Variants in ZFYVE9 observed in about 807,000 individuals in gnomAD.
ZFYVE9 encodes zinc finger FYVE domain-containing protein 9.
ZFYVE9 carries 43 observed loss-of-function variants against 126.7 expected under a neutral mutation model. The observed-to-expected ratio is 0.34, with a 90% CI of 0.27 to 0.44. The LOEUF (loss-of-function observed/expected upper bound fraction) is 0.44. Ranked by LOEUF, ZFYVE9 falls within the 20% of genes least tolerant of loss-of-function variation. ZFYVE9 has a pLI of 1.00. For missense variants in ZFYVE9, 1,476 were observed against 1,697.0 expected (o/e 0.87, Z 2.29); for synonymous variants, 521 against 597.4 (o/e 0.87, Z 1.87).
At chr1:52,205,191 C>T (rs1644966133) in intron 1 of ZFYVE9, among the ~76,000 whole-genome samples, 1 of 151,130 alleles carries the variant, frequency 6.6e-6, no homozygotes. Flanking sequence ...CTTCCCACCT[C>T]AGTTCCCCAA....
chr1:52,283,512 T>C (rs1645824952), intron 10 of ZFYVE9, among the ~76,000 whole-genome samples: 1 of 152,228 alleles, frequency 6.6e-6, no homozygotes, highest in African/African-American at 2.4e-5. Context: ...TACACTAGAA[T>C]ACTGCTCAAC....
chr1:52,320,365 C>T (rs531305697), intron 13 of ZFYVE9, among the ~76,000 whole-genome samples: 5 of 152,180 alleles, frequency 3.3e-5, no homozygotes, highest in Non-Finnish European at 4.4e-5. Flanking sequence ...CCACCGTGCC[C>T]GGCTGTTAAG....
At chr1:52,169,825 T>C (rs1265717638) in intron 1 of ZFYVE9, among the ~76,000 whole-genome samples, 1 of 152,224 alleles carries the variant, frequency 6.6e-6, no homozygotes, top group Non-Finnish European at 1.5e-5. Flanking sequence ...TATTATGAAG[T>C]ATTTGTACCC....
intron 1 of ZFYVE9, among the ~76,000 whole-genome samples, chr1:52,186,783 A>G (rs1048277252): frequency 2.6e-5 from 4 of 152,204 alleles, no homozygotes; most frequent in African/African-American, 4.8e-5. Context: ...GATCTCTACA[A>G]TGAGAATTAC....
chr1:52,246,437 A>G (rs1645384356), intron 4 of ZFYVE9, among the ~76,000 whole-genome samples: 1 of 152,150 alleles, frequency 6.6e-6, no homozygotes, highest in South Asian at 2.1e-4. Context: ...CCTTCATAAA[A>G]TCTGAATTAG....
At chr1:52,197,723 A>G (rs1305139449) in intron 1 of ZFYVE9, among the ~76,000 whole-genome samples, 1 of 152,244 alleles carries the variant, frequency 6.6e-6, no homozygotes, top group African/African-American at 2.4e-5. Context: ...AGTTAGGACC[A>G]AAAAGTGTCC....
chr1:52,192,389 C>A (rs376691881), intron 1 of ZFYVE9, among the ~76,000 whole-genome samples: 1 of 152,130 alleles, frequency 6.6e-6, no homozygotes, highest in Non-Finnish European at 1.5e-5. Context: ...TGTATAAGAC[C>A]GTGTACCAGG....
At chr1:52,270,937 C>T (rs887854224) in intron 7 of ZFYVE9, among the ~76,000 whole-genome samples, 1 of 152,094 alleles carries the variant, frequency 6.6e-6, no homozygotes, top group Admixed American at 6.5e-5. Context: ...CATCTGTAAT[C>T]CCAGCACTTT....
At chr1:52,342,432 AT>A (rs1006621798) in intron 17 of ZFYVE9, among the ~76,000 whole-genome samples, 46 of 144,600 alleles carry the variant, frequency 3.2e-4, no homozygotes, top group Admixed American at 2.8e-4. Context: ...CGCCCGACTA[AT>A]TTTTTTTTTT....
At chr1:52,247,733 G>T (rs957759044) in intron 4 of ZFYVE9, among the ~76,000 whole-genome samples, 2 of 152,100 alleles carry the variant, frequency 1.3e-5, no homozygotes, top group African/African-American at 4.8e-5. Flanking sequence ...CTGACCTCAG[G>T]TGATCTGCCC....
intron 7 of ZFYVE9, among the ~76,000 whole-genome samples, chr1:52,271,879 G>A (rs559272489): frequency 4.6e-5 from 7 of 152,104 alleles, no homozygotes; most frequent in African/African-American, 1.7e-4. Flanking sequence ...TGCTCTTGTT[G>A]TCCAGGCTGG....
chr1:52,255,854 C>CA (rs1645502303), intron 4 of ZFYVE9, among the ~76,000 whole-genome samples: 2 of 151,596 alleles, frequency 1.3e-5, no homozygotes, highest in South Asian at 2.1e-4. Context: ...GACTCTGACT[C>CA]AAAAAAAATT....
intron 4 of ZFYVE9, among the ~76,000 whole-genome samples, chr1:52,259,325 T>C (rs1645554734): frequency 6.6e-6 from 1 of 152,080 alleles, no homozygotes; most frequent in Non-Finnish European, 1.5e-5. Context: ...CATTCTAAGG[T>C]GTTAGGAGTT....
chr1:52,146,920 C>G (rs914363489), intron 1 of ZFYVE9, among the ~76,000 whole-genome samples: 2 of 152,084 alleles, frequency 1.3e-5, no homozygotes. Flanking sequence ...ATCCAAAAGT[C>G]TGAAATTCGA....
At chr1:52,189,750 A>T (rs979847442) in intron 1 of ZFYVE9, among the ~76,000 whole-genome samples, 2 of 151,032 alleles carry the variant, frequency 1.3e-5, no homozygotes, top group African/African-American at 4.9e-5. Context: ...ATTTGCTCCT[A>T]TGTTTTCTTT....
intron 1 of ZFYVE9, among the ~76,000 whole-genome samples, chr1:52,148,045 G>T (rs148753171): frequency 1.3e-5 from 2 of 151,858 alleles, no homozygotes; most frequent in Admixed American, 1.3e-4. Context: ...CTCCCAAAGT[G>T]CTGGGATTAC....
At chr1:52,166,538 G>T (rs187955400) in intron 1 of ZFYVE9, among the ~76,000 whole-genome samples, 1 of 152,038 alleles carries the variant, frequency 6.6e-6, no homozygotes, top group South Asian at 2.1e-4. Flanking sequence ...ATAATACAGG[G>T]CTTAATCTAT....
In ZFYVE9 at chr1:52,146,306, G is replaced by A. The variant is rs1425159978; in HGVS notation, c.-143+3903G>A. Among the ~76,000 whole-genome samples the A allele has an allele frequency of 3.9e-5, 6 of 152,106 alleles. No homozygotes were observed. The East Asian group carries it at 1.2e-3, about 29-fold the overall frequency. On this transcript the variant is annotated intron_variant, in intron 1 of 18. Coordinates refer to ENST00000287727, the MANE Select transcript of ZFYVE9 (RefSeq NM_004799.4). Reference sequence around the variant, plus strand: ...CCTCCACAGATACAGAGAGACAACTGTATATAATAATCATTGGAAAAGATG... The same window carrying A: ...CCTCCACAGATACAGAGAGACAACTATATATAATAATCATTGGAAAAGATG...
intron 13 of ZFYVE9, among the ~76,000 whole-genome samples, chr1:52,330,736 T>A (rs1384219859): frequency 6.6e-6 from 1 of 152,212 alleles, no homozygotes; most frequent in Non-Finnish European, 1.5e-5. Flanking sequence ...CTTTGTGACC[T>A]GTATCTTGTG....
Sources: allele counts gnomAD v4.1 joint callset (sites outside exome capture counted in the v4.1 genomes callset), GRCh38; gene constraint gnomAD v4.1.1; transcripts MANE v1.5; gene names NCBI Gene and HGNC (gene_info 2026-07-23, HGNC 2026-07-21).